Variants in PDE1C observed in about 807,000 individuals in gnomAD.
PDE1C encodes the protein dual specificity calcium/calmodulin-dependent 3',5'-cyclic nucleotide phosphodiesterase 1C.
PDE1C carries 62 observed loss-of-function variants against 93.1 expected under a neutral mutation model. The observed-to-expected ratio is 0.67, with a 90% CI of 0.54 to 0.82. PDE1C has a LOEUF of 0.82. Among genes scored for constraint, PDE1C ranks in the 40% least tolerant of loss-of-function variants. PDE1C has a pLI of 0.00. For synonymous variants in PDE1C, 325 were observed against 310.1 expected (o/e 1.05, Z -0.50); for missense variants, 742 against 884.6 (o/e 0.84, Z 2.04).
intron 1 of PDE1C, among the ~76,000 whole-genome samples, chr7:32,060,559 G>A (rs752200788): frequency 2.0e-5 from 3 of 152,130 alleles, no homozygotes; most frequent in South Asian, 2.1e-4. Flanking sequence ...GAAAAAAAGC[G>A]CCAACTAGCA....
chr7:31,618,618 ACT>A, the PDE1C span, among the ~76,000 whole-genome samples: 5 of 152,060 alleles, frequency 3.3e-5, no homozygotes, highest in Non-Finnish European at 5.9e-5. Flanking sequence ...AATTTCATAA[ACT>A]CCCCTCCATT....
intron 17 of PDE1C, among the ~76,000 whole-genome samples, chr7:31,760,080 T>C (rs1794735451): frequency 6.6e-6 from 1 of 152,188 alleles, no homozygotes; most frequent in South Asian, 2.1e-4. Flanking sequence ...AACAAAGCTG[T>C]GTAATAGGTG....
At chr7:32,015,485 TA>T (rs1301890396) in intron 2 of PDE1C, among the ~76,000 whole-genome samples, 2 of 151,954 alleles carry the variant, frequency 1.3e-5, no homozygotes, top group Non-Finnish European at 2.9e-5. Flanking sequence ...GCAGCGGAAA[TA>T]AAAAGGACAA....
chr7:32,211,795 G>A (rs1205081598), intron 1 of PDE1C, among the ~76,000 whole-genome samples: 4 of 152,028 alleles, frequency 2.6e-5, no homozygotes, highest in Non-Finnish European at 5.9e-5. Flanking sequence ...GCTGAGGCAG[G>A]AGGAACACTT....
At chr7:31,733,141 C>T in the PDE1C span, among the ~76,000 whole-genome samples, 2 of 152,182 alleles carry the variant, frequency 1.3e-5, no homozygotes, top group Admixed American at 1.3e-4. Flanking sequence ...CTTATGGTGC[C>T]TAGGTTGTTA....
At chr7:32,349,306 A>G (rs567557314) in intron 1 of PDE1C, among the ~76,000 whole-genome samples, 108 of 152,338 alleles carry the variant, frequency 7.1e-4, no homozygotes, top group African/African-American at 2.6e-3. Context: ...CCCTGCTCTT[A>G]AGGACCTCAG....
chr7:32,311,712 T>G (rs957831740), intron 1 of PDE1C, among the ~76,000 whole-genome samples: 8 of 152,054 alleles, frequency 5.3e-5, no homozygotes, highest in Non-Finnish European at 8.8e-5. Context: ...CAACCCTTCA[T>G]GCTAAAAACT....
chr7:32,235,793 C>T (rs1808033669), intron 1 of PDE1C, among the ~76,000 whole-genome samples: 1 of 151,994 alleles, frequency 6.6e-6, no homozygotes, highest in South Asian at 2.1e-4. Context: ...TAAATATATG[C>T]AAGCTGATTT....
chr7:32,004,540 T>G (rs1584414625), intron 2 of PDE1C, among the ~76,000 whole-genome samples: 2 of 152,298 alleles, frequency 1.3e-5, no homozygotes, highest in East Asian at 3.9e-4. Flanking sequence ...CAAGAGTTAC[T>G]AGAGACTTTT....
the PDE1C span, chr7:31,643,976 A>G: frequency 6.3e-7 from 1 of 1,575,122 alleles, no homozygotes; most frequent in African/African-American, 1.4e-5. Flanking sequence ...CCTGGCAAAG[A>G]TGGAAAGGCA....
chr7:31,642,219 C>T, the PDE1C span: 96 of 1,560,044 alleles, frequency 6.2e-5, no homozygotes, highest in Non-Finnish European at 7.6e-5. Flanking sequence ...CTGACAGCAG[C>T]GGGTTCCTGG....
At chr7:31,837,694 A>C (rs1194802552) in intron 10 of PDE1C, among the ~76,000 whole-genome samples, 176 bp downstream of exon 10, 2 of 152,356 alleles carry the variant, frequency 1.3e-5, no homozygotes, top group East Asian at 3.9e-4. Flanking sequence ...CCTGATGAGA[A>C]CATACCTTAT....
chr7:31,715,892 A>T, the PDE1C span, among the ~76,000 whole-genome samples: 1 of 152,182 alleles, frequency 6.6e-6, no homozygotes, highest in Non-Finnish European at 1.5e-5. Flanking sequence ...GTAGTGTGGC[A>T]TTAAGGACCC....
chr7:31,837,437 ACAT>A, intron 10 of PDE1C, 137 bp from the exon 11 acceptor site: 1 of 751,792 alleles, frequency 1.3e-6, no homozygotes, highest in Non-Finnish European at 2.0e-6. Flanking sequence ...TGAGGAAAAG[ACAT>A]CATTTCATCC....
chr7:31,671,794 G>C, the PDE1C span, among the ~76,000 whole-genome samples: 1 of 152,126 alleles, frequency 6.6e-6, no homozygotes, highest in East Asian at 1.9e-4. Flanking sequence ...CCTGAGCTCT[G>C]GGATTGTCAA....
chr7:32,343,463 C>G (rs543043946), intron 1 of PDE1C, among the ~76,000 whole-genome samples: 52 of 152,288 alleles, frequency 3.4e-4, no homozygotes, highest in African/African-American at 1.2e-3. Context: ...TGAGCCCAGC[C>G]CACTCCACAG....
the PDE1C span, among the ~76,000 whole-genome samples, chr7:31,726,307 A>G: frequency 6.6e-6 from 1 of 152,278 alleles, no homozygotes; most frequent in South Asian, 2.1e-4. Context: ...ATCATCATAC[A>G]CTGGCCTCCC....
chr7:32,315,618 T>C (rs764872949), intron 1 of PDE1C, among the ~76,000 whole-genome samples: 9 of 152,212 alleles, frequency 5.9e-5, no homozygotes, highest in Non-Finnish European at 1.0e-4. Context: ...ATGCTCATAA[T>C]TAGAAAATAG....
At chr7:31,904,038 A>C (rs1020535594) in intron 2 of PDE1C, among the ~76,000 whole-genome samples, 1 of 152,148 alleles carries the variant, frequency 6.6e-6, no homozygotes, top group Non-Finnish European at 1.5e-5. Flanking sequence ...TTATAATTGC[A>C]CATATGTATG....
Sources: gnomAD v4.1 joint callset for allele counts (sites outside exome capture counted in the v4.1 genomes callset) on GRCh38, gnomAD v4.1.1 for gene constraint, MANE v1.5 for transcripts, NCBI Gene and HGNC (gene_info 2026-07-23, HGNC 2026-07-21) for gene names.